The following FTH1 variants were observed in gnomAD, a reference collection of about 807,000 sequenced individuals.
FTH1 encodes ferritin heavy chain.
Under a neutral mutation model 21.8 loss-of-function variants are expected in FTH1, and 3 were observed. The ratio of observed to expected loss-of-function variants is 0.14; its 90% CI spans 0.06 to 0.36. FTH1 has a LOEUF of 0.36. Ranked by LOEUF, FTH1 falls within the 10% of genes least tolerant of loss-of-function variation. The probability of loss-of-function intolerance (pLI) is 1.00; values close to 1 mark genes in which losing one functional copy is unlikely to be tolerated. For missense variants in FTH1, 147 were observed against 225.8 expected (o/e 0.65, Z 2.24); for synonymous variants, 83 against 90.1 (o/e 0.92, Z 0.45).
In FTH1 at chr11:61,965,066, C is replaced by T; in HGVS notation, c.308G>A (p.Cys103Tyr). ...CACATTTTTTTCCAAATGTAATGCA[C>T]ACTCCATTGCATTCAGCCCGCTCTC... The part of the protein sequence containing the change: ...DWESGLNAME[C>Y]ALHLEKNVNQ... The change falls in exon 3 of 4, where the codon TGT becomes TAT. Residue 103 changes from cysteine (C) to tyrosine (Y), a missense_variant. By Grantham distance (194) the Cys-to-Tyr change is radical. Coordinates refer to ENST00000273550, the MANE Select transcript of FTH1 (RefSeq NM_002032.3). 6.2e-7 allele frequency: 1 copy of T among 1,610,108 alleles called. No individual in the cohort carries two copies. Among genetic ancestry groups the T allele is most frequent in the Non-Finnish European group, 8.5e-7 (1 of 1,179,904 alleles).
chr11:61,964,928 T>G (rs772060059), intron 3 of FTH1, 37 bp from the exon 4 acceptor site: 7 of 1,613,772 alleles, frequency 4.3e-6, no homozygotes, highest in Non-Finnish European at 4.2e-6. Flanking sequence ...GTGGGCAGCT[T>G]TCCCAATCCC....
Position 61,964,346 on chromosome 11 carries a change from A to G in FTH1, c.*381T>C. 1.1e-6 allele frequency: 1 copy of G among 885,888 alleles called. No individual in the cohort carries two copies. The highest frequency in any genetic ancestry group is 1.7e-6 in the Non-Finnish European group (1 of 596,982). The allele number at this position is 885,888 out of a possible 1,614,324, so 54.9% of individuals were successfully genotyped here. On this transcript the variant is annotated 3_prime_UTR_variant, in exon 4 of 4. Transcript: ENST00000273550. ...AAAGCTAGACTGAACCATTGGAAAC[A>G]TTTAACTCAGACTCTGGATTCAGAG... is the stretch of plus-strand genomic sequence containing the variant.
At chr11:61,966,774 A>G (rs1942470315) in intron 1 of FTH1, among the ~76,000 whole-genome samples, 1 of 152,224 alleles carries the variant, frequency 6.6e-6, no homozygotes, top group African/African-American at 2.4e-5. Flanking sequence ...GGACTTAGAG[A>G]TAAGCAGAGC....
chr11:61,965,348 C>G, intron 2 of FTH1, 21 bp downstream of exon 2: 1 of 1,588,070 alleles, frequency 6.3e-7, no homozygotes. Context: ...AAGTATGACA[C>G]CCCTAGGATC....
chr11:61,967,594 A>G lies in FTH1; in HGVS notation c.-169T>C, dbSNP rs747618890. 3 of 681,416 alleles carry G rather than the reference A, an allele frequency of 4.4e-6. No homozygotes were observed. In the South Asian group the frequency reaches 4.5e-5, roughly 10 times the overall value. 42.2% of individuals were successfully genotyped at this position (681,416 alleles called of 1,614,324 possible). On this transcript the variant is annotated 5_prime_UTR_variant, in exon 1 of 4. Transcript: ENST00000273550. ...GCCGGGTTCCGTCCAAGCACTGTTGAAGCAGGAAACCCCGACGACTCTCGG... is the reference window on the plus strand; with the variant it reads ...GCCGGGTTCCGTCCAAGCACTGTTGGAGCAGGAAACCCCGACGACTCTCGG...
intron 2 of FTH1, 56 bp downstream of exon 2, chr11:61,965,313 G>A (rs1236805118): frequency 1.9e-6 from 3 of 1,610,300 alleles, no homozygotes; most frequent in African/African-American, 2.7e-5. Context: ...AGTGATTTCT[G>A]ATACCCGAAC....
chr11:61,966,078 T>C (rs1942452713), intron 1 of FTH1, among the ~76,000 whole-genome samples: 1 of 151,970 alleles, frequency 6.6e-6, no homozygotes, highest in Non-Finnish European at 1.5e-5. Flanking sequence ...ATCGAGACCA[T>C]CCTGGTCAAC....
In FTH1 at chr11:61,965,525, G is replaced by T; in HGVS notation, c.115-10C>A. 6.2e-7 allele frequency: 1 copy of T among 1,600,094 alleles called. No individual in the cohort carries two copies. Among genetic ancestry groups the T allele is most frequent in the Non-Finnish European group, 8.5e-7 (1 of 1,179,896 alleles). ...GGTCAAAGTAGTAAGACTGAAAGGG[G>T]AACACTGAATGTGTTATACTAGGGA... On this transcript the variant is annotated splice_polypyrimidine_tract_variant and intron_variant, in intron 1 of 3. Transcript: ENST00000273550.
At position 61,964,688 on chromosome 11, in the gene FTH1, G is replaced by C. The variant is rs775515361; in HGVS notation, c.*39C>G. 2 of 1,591,834 alleles carry C rather than the reference G, an allele frequency of 1.3e-6. No individual in the cohort carries two copies. The highest frequency in any genetic ancestry group is 2.2e-5 in the East Asian group (1 of 44,850). Reference sequence around the variant, plus strand: ...ATGCATGCACTGCCTTGGTGACCAGGGAAGTCACCCCACGGCTATGGGGAA... The same window carrying C: ...ATGCATGCACTGCCTTGGTGACCAGCGAAGTCACCCCACGGCTATGGGGAA... On this transcript the variant is annotated 3_prime_UTR_variant, in exon 4 of 4. Transcript: ENST00000273550.
chr11:61,966,767 C>T (rs992744201), intron 1 of FTH1, among the ~76,000 whole-genome samples: 2 of 152,184 alleles, frequency 1.3e-5, no homozygotes, highest in Non-Finnish European at 2.9e-5. Flanking sequence ...GCAAGTGGGA[C>T]TTAGAGATAA....
chr11:61,964,317 T>A lies in FTH1; in HGVS notation c.*410A>T. ...TTTAATGCCTTTTATTCATAAAAAC[T>A]GTGAAAGCTAGACTGAACCATTGGA... is the stretch of plus-strand genomic sequence containing the variant. On this transcript the variant is annotated 3_prime_UTR_variant, in exon 4 of 4. Coordinates refer to ENST00000273550, the MANE Select transcript of FTH1 (RefSeq NM_002032.3). The A allele has an allele frequency of 1.8e-6, 2 of 1,092,706 alleles. No individual in the cohort carries two copies. Among genetic ancestry groups the A allele is most frequent in the Non-Finnish European group, 2.6e-6 (2 of 777,792 alleles). The allele number at this position is 1,092,706 out of a possible 1,614,324, so 67.7% of individuals were successfully genotyped here.
rs762901207 is a variant in FTH1, at chr11:61,964,692, G to A, written c.*35C>T. ...ATGCACTGCCTTGGTGACCAGGGAA[G>A]TCACCCCACGGCTATGGGGAAATTA... On this transcript the variant is annotated 3_prime_UTR_variant, in exon 4 of 4. Coordinates refer to ENST00000273550, the MANE Select transcript of FTH1 (RefSeq NM_002032.3). 15 of 1,596,328 alleles carry A rather than the reference G, an allele frequency of 9.4e-6. No homozygotes were observed. The Admixed American group carries it at 2.3e-4, about 25-fold the overall frequency.
In FTH1 at chr11:61,967,609, A is replaced by G. The variant is rs1272338506; in HGVS notation, c.-184T>C. On this transcript the variant is annotated 5_prime_UTR_variant, in exon 1 of 4. Transcript: ENST00000273550. ...AGCACTGTTGAAGCAGGAAACCCCG[A>G]CGACTCTCGGCGAAGAACGTCTGGC... is the stretch of plus-strand genomic sequence containing the variant. 2 of 668,598 alleles carry G rather than the reference A, an allele frequency of 3.0e-6. No individual in the cohort carries two copies. The highest frequency in any genetic ancestry group is 4.1e-5 in the Admixed American group (2 of 48,832). 41.4% of individuals were successfully genotyped at this position (668,598 alleles called of 1,614,324 possible). A position where few individuals can be genotyped will look rare whatever the true frequency, so the allele number is the denominator to read the frequency against.
rs1181871174 is a variant in FTH1, at chr11:61,965,510, G to C, written c.120C>G (p.Tyr40Ter). The change falls in exon 2 of 4, where the codon TAC (tyrosine) becomes TAG (stop). Residue 40 changes from tyrosine to a stop codon, truncating the protein, a stop_gained. Transcript: ENST00000273550. LOFTEE classifies it high-confidence loss of function. ...YASYVYLSMS[Y>*]YFDRDDVALK... ...AAGCCACATCATCGCGGTCAAAGTA[G>C]TAAGACTGAAAGGGGAACACTGAAT... is the stretch of plus-strand genomic sequence containing the variant. The C allele has an allele frequency of 1.2e-6, 2 of 1,601,142 alleles. No individual in the cohort carries two copies. The highest frequency in any genetic ancestry group is 1.7e-6 in the Non-Finnish European group (2 of 1,179,938).
intron 2 of FTH1, 21 bp from the exon 3 acceptor site, chr11:61,965,133 G>GC (rs1942422017): frequency 6.2e-7 from 1 of 1,602,628 alleles, no homozygotes; most frequent in Admixed American, 1.7e-5. Flanking sequence ...ATAGGTTAAT[G>GC]CATCTCTACC....
chr11:61,966,040 C>T (rs1202002065), intron 1 of FTH1, among the ~76,000 whole-genome samples: 1 of 152,060 alleles, frequency 6.6e-6, no homozygotes, highest in Non-Finnish European at 1.5e-5. Flanking sequence ...TTTGGGAGGC[C>T]GAGGCAGGCG....
At chr11:61,965,165 G>C in intron 2 of FTH1, 53 bp from the exon 3 acceptor site, 2 of 1,602,094 alleles carry the variant, frequency 1.2e-6, no homozygotes, top group South Asian at 2.2e-5. Context: ...AAGTCAGCAA[G>C]CCCATCATCT....
At chr11:61,964,958 C>T (rs368537543) in intron 3 of FTH1, 29 bp downstream of exon 3, 15 of 1,613,930 alleles carry the variant, frequency 9.3e-6, no homozygotes, top group African/African-American at 2.7e-5. Context: ...TGATTTCCTC[C>T]ATTTATTTCC....
In FTH1 at chr11:61,964,317, T is replaced by C. The variant is rs1343912357; in HGVS notation, c.*410A>G. ...TTTAATGCCTTTTATTCATAAAAAC[T>C]GTGAAAGCTAGACTGAACCATTGGA... is the stretch of plus-strand genomic sequence containing the variant. On this transcript the variant is annotated 3_prime_UTR_variant, in exon 4 of 4. Coordinates refer to ENST00000273550, the MANE Select transcript of FTH1 (RefSeq NM_002032.3). 9.2e-7 allele frequency: 1 copy of C among 1,092,708 alleles called. No homozygotes were observed. Among genetic ancestry groups the C allele is most frequent in the Non-Finnish European group, 1.3e-6 (1 of 777,792 alleles). The allele number at this position is 1,092,708 out of a possible 1,614,324, so 67.7% of individuals were successfully genotyped here.
Sources: gnomAD v4.1 joint callset for allele counts (sites outside exome capture counted in the v4.1 genomes callset) on GRCh38, gnomAD v4.1.1 for gene constraint, MANE v1.5 for transcripts, NCBI Gene and HGNC (gene_info 2026-07-23, HGNC 2026-07-21) for gene names.